Variants in GSE1 observed in about 807,000 individuals in gnomAD.
GSE1 encodes Gse1 coiled-coil protein.
Under a neutral mutation model 112.6 loss-of-function variants are expected in GSE1, and 32 were observed. The observed-to-expected ratio is 0.28, with a 90% CI of 0.21 to 0.38. GSE1 has a LOEUF of 0.38. Among genes scored for constraint, GSE1 ranks in the 10% least tolerant of loss-of-function variants. The pLI, the probability that GSE1 is intolerant of heterozygous loss-of-function variation, is 1.00. For missense variants in GSE1, 2,348 were observed against 1,699.2 expected (o/e 1.38, Z -6.71); for synonymous variants, 1,115 against 735.6 (o/e 1.52, Z -8.35).
chr16:85,362,306 C>T (rs2047099076), intron 2 of GSE1, among the ~76,000 whole-genome samples: 1 of 152,242 alleles, frequency 6.6e-6, no homozygotes. Flanking sequence ...TGTGCCATCG[C>T]ATGCAGTATA....
At chr16:85,638,859 T>C (rs891817356) in intron 2 of GSE1, among the ~76,000 whole-genome samples, 1 of 151,680 alleles carries the variant, frequency 6.6e-6, no homozygotes, top group Admixed American at 6.6e-5. Context: ...GGGTCCGCCA[T>C]GGCTTCCCCC....
At chr16:85,364,119 T>G (rs1459380474) in intron 2 of GSE1, among the ~76,000 whole-genome samples, 1 of 152,234 alleles carries the variant, frequency 6.6e-6, no homozygotes, top group Non-Finnish European at 1.5e-5. Flanking sequence ...GGCCTGTTCC[T>G]TCTGGGGGCT....
At chr16:85,635,135 G>C (rs373569570) in intron 2 of GSE1, among the ~76,000 whole-genome samples, 1 of 152,200 alleles carries the variant, frequency 6.6e-6, no homozygotes, top group Non-Finnish European at 1.5e-5. Context: ...TGACCAGGGC[G>C]GGCTGGGGGG....
At chr16:85,618,427 A>G (rs112909289) in intron 1 of GSE1, among the ~76,000 whole-genome samples, 4,498 of 152,192 alleles carry the variant, frequency 0.03, 230 homozygotes, top group African/African-American at 0.1. Flanking sequence ...TGAGCCCCTG[A>G]TGAGTGTCAG....
chr16:85,565,394 C>CTAA (rs2045698690), intron 1 of GSE1, among the ~76,000 whole-genome samples: 1 of 119,450 alleles, frequency 8.4e-6, no homozygotes, highest in African/African-American at 3.5e-5. Context: ...GACTCTGTCT[C>CTAA]AAAAAAAAAA....
chr16:85,580,434 C>A (rs556027611), intron 1 of GSE1, among the ~76,000 whole-genome samples: 1 of 152,194 alleles, frequency 6.6e-6, no homozygotes, highest in Non-Finnish European at 1.5e-5. Flanking sequence ...AGGGAGGCTG[C>A]GTGCTCTCTG....
intron 2 of GSE1, among the ~76,000 whole-genome samples, chr16:85,366,366 A>G (rs114523456): frequency 0.034 from 5,193 of 151,932 alleles, 305 homozygotes; most frequent in African/African-American, 0.12. Context: ...CGTGTCACCC[A>G]CTCTGTCTCT....
chr16:85,602,393 A>C (rs1403164310), intron 1 of GSE1, among the ~76,000 whole-genome samples: 1 of 152,062 alleles, frequency 6.6e-6, no homozygotes, highest in Non-Finnish European at 1.5e-5. Context: ...CCCAGAAATA[A>C]AAGTTTCTAA....
chr16:85,246,427 T>C (rs1327928745), intron 1 of GSE1, among the ~76,000 whole-genome samples: 2 of 25,956 alleles, frequency 7.7e-5, no homozygotes, highest in African/African-American at 1.6e-4. Flanking sequence ...ACACACCCCA[T>C]GCTCTCTACA....
chr16:85,341,134 C>T (rs1312407790), intron 1 of GSE1, among the ~76,000 whole-genome samples: 1 of 152,164 alleles, frequency 6.6e-6, no homozygotes, highest in Non-Finnish European at 1.5e-5. Flanking sequence ...TGCTGAAAGT[C>T]AATTCATCAC....
intron 1 of GSE1, among the ~76,000 whole-genome samples, chr16:85,340,825 G>T (rs1210476803): frequency 1.3e-5 from 2 of 152,096 alleles, no homozygotes; most frequent in African/African-American, 4.8e-5. Flanking sequence ...GGGAGGGTGG[G>T]ACGGTGCGAG....
At chr16:85,629,874 G>A (rs1472289134) in intron 1 of GSE1, among the ~76,000 whole-genome samples, 1 of 152,172 alleles carries the variant, frequency 6.6e-6, no homozygotes, top group Non-Finnish European at 1.5e-5. Context: ...CAGTTATCTA[G>A]CGTTGTGTGA....
chr16:85,451,395 AGTTGGTGCGTGAGCTGGTG>A (rs2049675877), intron 2 of GSE1, among the ~76,000 whole-genome samples: 1 of 152,124 alleles, frequency 6.6e-6, no homozygotes. Flanking sequence ...GACCCATCTA[AGTTGGTGCGTGAGCTGGTG>A]GTTGGTGCGT....
At chr16:85,337,837 C>T (rs72809699) in intron 1 of GSE1, among the ~76,000 whole-genome samples, 173 of 152,374 alleles carry the variant, frequency 1.1e-3, no homozygotes, top group East Asian at 3.1e-3. Context: ...TCACTGCATG[C>T]GGCGCCGTCA....
chr16:85,624,370 C>T (rs954366811), intron 1 of GSE1, among the ~76,000 whole-genome samples: 2 of 152,294 alleles, frequency 1.3e-5, no homozygotes, highest in South Asian at 2.1e-4. Flanking sequence ...GGGGCGGTTC[C>T]GGCCTCTAGC....
At chr16:85,537,931 G>A (rs933980408) in intron 2 of GSE1, among the ~76,000 whole-genome samples, 5 of 152,248 alleles carry the variant, frequency 3.3e-5, no homozygotes, top group African/African-American at 4.8e-5. Context: ...GCCTGAGGCA[G>A]GGAGGCGAGC....
chr16:85,440,620 A>G (rs903134225), intron 2 of GSE1, among the ~76,000 whole-genome samples: 2 of 152,202 alleles, frequency 1.3e-5, no homozygotes, highest in Non-Finnish European at 2.9e-5. Flanking sequence ...GGCTGGGGTC[A>G]GTGGTCACTG....
intron 2 of GSE1, among the ~76,000 whole-genome samples, chr16:85,404,598 C>A (rs1459811344): frequency 1.2e-5 from 1 of 81,082 alleles, no homozygotes; most frequent in Non-Finnish European, 2.4e-5. Flanking sequence ...CTCAGGCCCC[C>A]CGGATAATCC....
At chr16:85,296,622 CA>C (rs2045374363) in intron 1 of GSE1, among the ~76,000 whole-genome samples, 2 of 152,070 alleles carry the variant, frequency 1.3e-5, no homozygotes, top group African/African-American at 4.8e-5. Context: ...AAACAAAAAC[CA>C]AAAACAAACA....
Sources: gnomAD v4.1 joint callset for allele counts (sites outside exome capture counted in the v4.1 genomes callset) on GRCh38, gnomAD v4.1.1 for gene constraint, MANE v1.5 for transcripts, NCBI Gene and HGNC (gene_info 2026-07-23, HGNC 2026-07-21) for gene names.